Variants in ETFA observed in about 807,000 individuals in gnomAD.
ETFA encodes the protein electron transfer flavoprotein subunit alpha, mitochondrial.
A neutral mutation model predicts 46.2 loss-of-function variants in ETFA; 22 were observed. The observed-to-expected ratio is 0.48, with a 90% confidence interval of 0.34 to 0.68. The LOEUF (loss-of-function observed/expected upper bound fraction) is 0.68. Ranked by LOEUF, ETFA falls within the 30% of genes least tolerant of loss-of-function variation. The pLI, the probability that ETFA is intolerant of heterozygous loss-of-function variation, is 0.01. For synonymous variants in ETFA, 131 were observed against 139.9 expected, an observed-to-expected ratio of 0.94 and a Z score of 0.45; for missense variants, 345 against 401.1, an observed-to-expected ratio of 0.86 and a Z score of 1.19.
At chr15:76,237,237 G>A (rs1180906023) in intron 9 of ETFA, among the ~76,000 whole-genome samples, 2 of 152,144 alleles carry the variant, frequency 1.3e-5, no homozygotes, top group African/African-American at 4.8e-5. Context: ...ACTCTTAGTA[G>A]AGATGGGGTT....
At chr15:76,303,075 C>T (rs1367606301) in intron 1 of ETFA, among the ~76,000 whole-genome samples, 2 of 152,044 alleles carry the variant, frequency 1.3e-5, no homozygotes, top group African/African-American at 4.8e-5. Context: ...GAGGCCGAGG[C>T]GAGTGGATCA....
intron 1 of ETFA, among the ~76,000 whole-genome samples, chr15:76,307,072 C>T (rs1411326896): frequency 6.6e-6 from 1 of 152,182 alleles, no homozygotes; most frequent in African/African-American, 2.4e-5. Flanking sequence ...TCCTTCCCAC[C>T]TGACAATAAA....
At chr15:76,228,094 T>C (rs1442680913) in intron 10 of ETFA, 3 of 397,568 alleles carry the variant, frequency 7.5e-6, no homozygotes, top group East Asian at 7.2e-5. Flanking sequence ...TGTTTAGTTA[T>C]TGATGGTAAA....
intron 9 of ETFA, among the ~76,000 whole-genome samples, chr15:76,266,113 A>G (rs751856022): frequency 2.0e-4 from 31 of 152,350 alleles, no homozygotes; most frequent in Non-Finnish European, 3.7e-4. Flanking sequence ...GAGAATGCTA[A>G]CAGATTTGAG....
At chr15:76,287,607 G>C (rs1003535921) in intron 5 of ETFA, among the ~76,000 whole-genome samples, 8 of 152,158 alleles carry the variant, frequency 5.3e-5, no homozygotes, top group Admixed American at 1.3e-4. Context: ...TGATCACTAG[G>C]AAAATATCAC....
chr15:76,241,553 C>A (rs1303697694), intron 9 of ETFA, among the ~76,000 whole-genome samples: 1 of 152,018 alleles, frequency 6.6e-6, no homozygotes, highest in Non-Finnish European at 1.5e-5. Context: ...GTAATCCAAG[C>A]ACTTTGGGAG....
rs527241185 is a variant in ETFA at position 76,219,167 on chromosome 15, A to G, written c.964-2570T>C. On this transcript the variant is annotated intron_variant, in intron 11 of 11. Transcript: ENST00000557943. ...TGTAGTGACTACAGGGGAGAAGAGG[A>G]AACAAAAGAAGGTTTAGAAAGATAA... Among the ~76,000 whole-genome samples, 137 of 152,324 alleles carry G rather than the reference A, an allele frequency of 9.0e-4. 3 individuals are homozygous for G. The South Asian group carries it at 0.028, about 31-fold the overall frequency.
chr15:76,295,771 G>T, intron 1 of ETFA, 34 bp from the exon 2 acceptor site: 3 of 1,314,840 alleles, frequency 2.3e-6, no homozygotes, highest in Non-Finnish European at 3.2e-6. Context: ...AAAAGGTAAA[G>T]AATGTTGTCA....
chr15:76,232,944 C>T (rs1479435795), intron 9 of ETFA, among the ~76,000 whole-genome samples: 1 of 152,180 alleles, frequency 6.6e-6, no homozygotes, highest in Non-Finnish European at 1.5e-5. Context: ...TCCAACTGCT[C>T]CTAGAGCAGC....
At chr15:76,224,492 A>T (rs2038985763) in intron 11 of ETFA, among the ~76,000 whole-genome samples, 1 of 152,240 alleles carries the variant, frequency 6.6e-6, no homozygotes, top group African/African-American at 2.4e-5. Flanking sequence ...AATCGGCTCA[A>T]GGGTCCTATT....
Position 76,262,448 on chromosome 15 carries a change from C to A in ETFA, c.816+11964G>T, listed in dbSNP as rs932515810. On this transcript the variant is annotated intron_variant, in intron 9 of 11. Transcript: ENST00000557943. Reference sequence around the variant, plus strand: ...GCAGGTTAAATACAAAAAGACACACCCCTAGGTATACCATAATCAAACCCC... The same window carrying A: ...GCAGGTTAAATACAAAAAGACACACACCTAGGTATACCATAATCAAACCCC... Among the ~76,000 whole-genome samples the A allele has an allele frequency of 1.8e-4, 27 of 150,100 alleles. 1 individual carries two copies. Among genetic ancestry groups the A allele is most frequent in the Admixed American group, 1.7e-3 (26 of 15,102 alleles).
intron 8 of ETFA, among the ~76,000 whole-genome samples, chr15:76,276,621 T>TTTG (rs1032512749): frequency 1.3e-5 from 2 of 152,130 alleles, no homozygotes; most frequent in Non-Finnish European, 2.9e-5. Context: ...TTCAGGTTTT[T>TTTG]TTGTTGTTGT....
intron 8 of ETFA, among the ~76,000 whole-genome samples, chr15:76,276,249 C>G (rs1418773406): frequency 6.6e-6 from 1 of 152,008 alleles, no homozygotes; most frequent in Non-Finnish European, 1.5e-5. Context: ...AGTGTTTTCT[C>G]TCAGCACTTT....
At chr15:76,241,160 T>C (rs2039182126) in intron 9 of ETFA, among the ~76,000 whole-genome samples, 1 of 152,132 alleles carries the variant, frequency 6.6e-6, no homozygotes, top group South Asian at 2.1e-4. Flanking sequence ...CTTGAACATG[T>C]AATCAAGTCT....
chr15:76,268,407 C>T lies in ETFA; in HGVS notation c.816+6005G>A, dbSNP rs149865468. On this transcript the variant is annotated intron_variant, in intron 9 of 11. Transcript: ENST00000557943. ...AGCCAGGTCAATCTGAATACGAAGACGGAACGAGGACCAACCAGAGTCATG... is the reference window on the plus strand; with the variant it reads ...AGCCAGGTCAATCTGAATACGAAGATGGAACGAGGACCAACCAGAGTCATG... Among the ~76,000 whole-genome samples the T allele has an allele frequency of 7.2e-5, 11 of 152,176 alleles. No homozygotes were observed. The South Asian group carries it at 8.3e-4, about 12-fold the overall frequency.
chr15:76,234,190 A>G (rs1024008087), intron 9 of ETFA, among the ~76,000 whole-genome samples: 4 of 152,206 alleles, frequency 2.6e-5, no homozygotes, highest in Admixed American at 2.6e-4. Context: ...CTGAATAAAC[A>G]TAAAAGCACT....
At chr15:76,219,458 TAAAAAA>T (rs1001125692) in intron 11 of ETFA, among the ~76,000 whole-genome samples, 6 of 150,422 alleles carry the variant, frequency 4.0e-5, no homozygotes, top group African/African-American at 1.5e-4. Context: ...AGCAACAAAA[TAAAAAA>T]AAAGATAAAT....
Position 76,267,320 on chromosome 15 carries a change from G to A in ETFA, c.816+7092C>T, listed in dbSNP as rs184634846. Among the ~76,000 whole-genome samples the A allele has an allele frequency of 2.0e-3, 297 of 152,294 alleles. 1 individual carries two copies. Among genetic ancestry groups the A allele is most frequent in the African/African-American group, 6.8e-3 (283 of 41,554 alleles). On this transcript the variant is annotated intron_variant, in intron 9 of 11. Transcript: ENST00000557943. ...GTGCTAGTAGGACAAGCGAGGCTGC[G>A]CACAACAAAGCTAATGGGATATGAT...
intron 9 of ETFA, chr15:76,259,739 C>T (rs188902584): frequency 1.5e-4 from 229 of 1,567,538 alleles, no homozygotes; most frequent in Admixed American, 4.9e-4. Context: ...CATGCAGTTC[C>T]GAGCGGCCAG....
Sources: gnomAD v4.1 joint callset for allele counts (sites outside exome capture counted in the v4.1 genomes callset) on GRCh38, gnomAD v4.1.1 for gene constraint, MANE v1.5 for transcripts, NCBI Gene and HGNC (gene_info 2026-07-23, HGNC 2026-07-21) for gene names.